The following USP46 variants were observed in gnomAD, a reference collection of about 807,000 sequenced individuals.
USP46 encodes ubiquitin carboxyl-terminal hydrolase 46.
Under a neutral mutation model 44.4 loss-of-function variants are expected in USP46, and 12 were observed. The observed-to-expected ratio is 0.27, with a 90% confidence interval of 0.17 to 0.44. The LOEUF is 0.44. Ranked by LOEUF, USP46 falls within the 20% of genes least tolerant of loss-of-function variation. The probability of loss-of-function intolerance (pLI) is 1.00; values close to 1 mark genes in which losing one functional copy is unlikely to be tolerated. For synonymous variants in USP46, 155 were observed against 161.5 expected (o/e 0.96, Z 0.31); for missense variants, 248 against 444.8 (o/e 0.56, Z 3.98).
At chr4:52,645,239 A>G (rs982098631) in intron 1 of USP46, among the ~76,000 whole-genome samples, 4 of 151,780 alleles carry the variant, frequency 2.6e-5, no homozygotes, top group African/African-American at 4.8e-5. Context: ...AAAAAAAAAA[A>G]AAAAGAAAAC....
intron 3 of USP46, 26 bp from the exon 4 acceptor site, chr4:52,626,273 A>C (rs1717580442): frequency 3.2e-6 from 5 of 1,582,474 alleles, no homozygotes; most frequent in Non-Finnish European, 4.3e-6. Context: ...TGGTTATTTC[A>C]GTCTCTGGTT....
intron 5 of USP46, among the ~76,000 whole-genome samples, chr4:52,607,235 G>A (rs1048762493): frequency 6.6e-6 from 1 of 152,188 alleles, no homozygotes; most frequent in Non-Finnish European, 1.5e-5. Context: ...TGCTGACAGA[G>A]TAATGCTCTT....
At position 52,595,879 on chromosome 4, in the gene USP46, C is replaced by T. The variant is rs1470623458; in HGVS notation, c.*1761G>A. On this transcript the variant is annotated 3_prime_UTR_variant, in exon 9 of 9. Coordinates refer to ENST00000441222, the MANE Select transcript of USP46 (RefSeq NM_022832.4). ...CTCCTTAAAAAGAGATCAAAACTCACCTTCCAGGTAGTGATTACTGCGTAA... is the reference window on the plus strand; with the variant it reads ...CTCCTTAAAAAGAGATCAAAACTCATCTTCCAGGTAGTGATTACTGCGTAA... 1 of 152,468 alleles carries T rather than the reference C, an allele frequency of 6.6e-6. No individual in the cohort carries two copies. The highest frequency in any genetic ancestry group is 1.9e-4 in the East Asian group (1 of 5,190). The allele number at this position is 152,468 out of a possible 1,614,324, so 9.4% of individuals were successfully genotyped here.
In USP46 at chr4:52,656,422, G is replaced by A. The variant is rs73815966; in HGVS notation, c.36+2693C>T. 1.3e-4 allele frequency: 198 copies of A among 1,468,518 alleles called. No homozygotes were observed. The African/African-American group carries it at 2.4e-3, about 18-fold the overall frequency. The allele number at this position is 1,468,518 out of a possible 1,614,324, so 91.0% of individuals were successfully genotyped here. A position where few individuals can be genotyped will look rare whatever the true frequency, so the allele number is the denominator to read the frequency against. ...CTCCTCTGGGAAGGAAGACTGGGAG[G>A]GACAGTGGGGGCGGTGGGTGGGGGA... is the stretch of plus-strand genomic sequence containing the variant. On this transcript the variant is annotated intron_variant, in intron 1 of 8. Coordinates refer to ENST00000441222, the MANE Select transcript of USP46 (RefSeq NM_022832.4).
intron 2 of USP46, among the ~76,000 whole-genome samples, chr4:52,630,147 G>C (rs1236142559): frequency 6.6e-6 from 1 of 152,186 alleles, no homozygotes; most frequent in Non-Finnish European, 1.5e-5. Flanking sequence ...CACGAGGATG[G>C]AGGGCACACC....
chr4:52,615,266 C>T (rs192872673), intron 4 of USP46, among the ~76,000 whole-genome samples: 33 of 151,728 alleles, frequency 2.2e-4, no homozygotes, highest in Non-Finnish European at 8.8e-5. Flanking sequence ...TAAGGCAAGA[C>T]CAATTTCTAT....
intron 5 of USP46, among the ~76,000 whole-genome samples, chr4:52,608,120 T>TG (rs948195986): frequency 6.6e-6 from 1 of 152,122 alleles, no homozygotes; most frequent in African/African-American, 2.4e-5. Flanking sequence ...AAACACACTT[T>TG]GGGAACAAAT....
chr4:52,646,816 C>A (rs563585351), intron 1 of USP46, among the ~76,000 whole-genome samples: 9 of 152,248 alleles, frequency 5.9e-5, no homozygotes, highest in African/African-American at 1.7e-4. Context: ...GAAATGCAAA[C>A]TACAAATATA....
intron 1 of USP46, among the ~76,000 whole-genome samples, chr4:52,650,010 C>G (rs1718694338): frequency 6.6e-6 from 1 of 152,200 alleles, no homozygotes; most frequent in Non-Finnish European, 1.5e-5. Flanking sequence ...CAATAAAGCT[C>G]CAATTGGTGG....
intron 1 of USP46, chr4:52,658,123 G>C: frequency 2.3e-6 from 1 of 442,932 alleles, no homozygotes; most frequent in Non-Finnish European, 4.6e-6. Context: ...GGGGCTAGAG[G>C]GGAGGCGGGG....
At chr4:52,604,473 G>A (rs1408424130) in intron 6 of USP46, 28 bp downstream of exon 6, 1 of 1,590,686 alleles carries the variant, frequency 6.3e-7, no homozygotes, top group South Asian at 1.1e-5. Flanking sequence ...ACCACACAAA[G>A]ATAACCCTGA....
intron 1 of USP46, among the ~76,000 whole-genome samples, chr4:52,652,561 A>G (rs934761080): frequency 1.3e-5 from 2 of 152,236 alleles, no homozygotes; most frequent in Middle Eastern, 3.2e-3. Context: ...AGCAGTTAAA[A>G]TAAACTAGGA....
chr4:52,632,919 AG>A (rs1366009030), intron 1 of USP46, among the ~76,000 whole-genome samples: 4 of 9,092 alleles, frequency 4.4e-4, no homozygotes, highest in Non-Finnish European at 1.6e-3. Context: ...AGAAAGAAAG[AG>A]AAAGAAAGAA....
intron 1 of USP46, among the ~76,000 whole-genome samples, chr4:52,640,342 C>T (rs1006242406): frequency 6.6e-6 from 1 of 152,028 alleles, no homozygotes; most frequent in African/African-American, 2.4e-5. Context: ...AAGACCAGGC[C>T]ACTGTATTCA....
In USP46 at chr4:52,593,491, T is replaced by A. The variant is rs1560385478; in HGVS notation, c.*4149A>T. 1 of 152,270 alleles carries A rather than the reference T, an allele frequency of 6.6e-6. No homozygotes were observed. Among genetic ancestry groups the A allele is most frequent in the African/African-American group, 2.4e-5 (1 of 41,472 alleles). The allele number at this position is 152,270 out of a possible 1,614,324, so 9.4% of individuals were successfully genotyped here. A position where few individuals can be genotyped will look rare whatever the true frequency, so the allele number is the denominator to read the frequency against. ...TTATTCCCATAATTGGGCCCAAGCA[T>A]GTATTCCGATGACAATCTTCTGTCC... On this transcript the variant is annotated 3_prime_UTR_variant, in exon 9 of 9. Coordinates refer to ENST00000441222, the MANE Select transcript of USP46 (RefSeq NM_022832.4).
intron 1 of USP46, among the ~76,000 whole-genome samples, chr4:52,632,968 G>GAAAGA: frequency 1.3e-5 from 1 of 74,832 alleles, no homozygotes; most frequent in African/African-American, 6.5e-5. Flanking sequence ...AAGAAAGAAA[G>GAAAGA]AAAGAAAGAA....
intron 5 of USP46, 70 bp from the exon 6 acceptor site, chr4:52,604,654 T>G: frequency 2.9e-6 from 3 of 1,024,420 alleles, no homozygotes; most frequent in Non-Finnish European, 4.3e-6. Context: ...TTTAAATCCC[T>G]CAATTAACCT....
chr4:52,609,894 ATTTCTTTTT>A (rs1716863105), intron 5 of USP46, among the ~76,000 whole-genome samples: 11 of 20,690 alleles, frequency 5.3e-4, no homozygotes, highest in Admixed American at 2.6e-3. Flanking sequence ...CCTCAATTCT[ATTTCTTTTT>A]TTTTTTTTTT....
intron 2 of USP46, among the ~76,000 whole-genome samples, chr4:52,630,471 C>T (rs150970092): frequency 1.7e-4 from 26 of 152,254 alleles, no homozygotes; most frequent in African/African-American, 4.6e-4. Context: ...AAGCAGATTT[C>T]GGGCCTGGTG....
Sources: gnomAD v4.1 joint callset for allele counts (sites outside exome capture counted in the v4.1 genomes callset) on GRCh38, gnomAD v4.1.1 for gene constraint, MANE v1.5 for transcripts, NCBI Gene and HGNC (gene_info 2026-07-23, HGNC 2026-07-21) for gene names.